WRN: variants seen among roughly 807,000 people sequenced by gnomAD.
The protein encoded by WRN is WRN RecQ like helicase.
WRN carries 149 observed loss-of-function variants against 180.7 expected under a neutral mutation model. The ratio of observed to expected loss-of-function variants is 0.82; its 90% CI spans 0.72 to 0.94. WRN has a LOEUF of 0.94. Ranked by LOEUF, WRN falls within the 40% of genes least tolerant of loss-of-function variation. The pLI is 0.00. For missense variants in WRN, 1,661 were observed against 1,700.1 expected, an observed-to-expected ratio of 0.98 and a Z score of 0.40; for synonymous variants, 548 against 568.9, an observed-to-expected ratio of 0.96 and a Z score of 0.52.
chr8:31,070,556 C>CT (rs1812873602), intron 7 of WRN, among the ~76,000 whole-genome samples: 1 of 151,912 alleles, frequency 6.6e-6, no homozygotes, highest in Non-Finnish European at 1.5e-5. Context: ...ACTCTGTTTC[C>CT]TGAGGGGCCT....
chr8:31,174,486 A>G lies in WRN; in HGVS notation c.*1384A>G, dbSNP rs1328552520. ...GTTATTAGATTTGGATGTTTGGCAG[A>G]CATTTTCTCAAAATTGAACTAAGTT... On this transcript the variant is annotated 3_prime_UTR_variant, in exon 35 of 35. Transcript: ENST00000298139. Among the ~76,000 whole-genome samples the G allele has an allele frequency of 2.6e-5, 4 of 152,224 alleles. No individual in the cohort carries two copies. Among genetic ancestry groups the G allele is most frequent in the African/African-American group, 9.6e-5 (4 of 41,460 alleles).
At chr8:31,050,318 C>T (rs920017678) in intron 1 of WRN, among the ~76,000 whole-genome samples, 1 of 152,106 alleles carries the variant, frequency 6.6e-6, no homozygotes, top group Non-Finnish European at 1.5e-5. Context: ...GATTCAGTTA[C>T]ACCTTTATGA....
chr8:31,170,099 A>AGGT (rs1432470819), intron 34 of WRN, among the ~76,000 whole-genome samples: 1 of 152,102 alleles, frequency 6.6e-6, no homozygotes, highest in African/African-American at 2.4e-5. Context: ...AGTACTGTGC[A>AGGT]GGTCTTAATT....
chr8:31,065,985 T>C (rs1314504111), intron 5 of WRN, among the ~76,000 whole-genome samples: 1 of 151,664 alleles, frequency 6.6e-6, no homozygotes, highest in African/African-American at 2.4e-5. Context: ...TTTAAGTGGT[T>C]CTCCTGCCTC....
chr8:31,108,727 G>A (rs1001979312), intron 18 of WRN, among the ~76,000 whole-genome samples: 2 of 152,146 alleles, frequency 1.3e-5, no homozygotes, highest in Admixed American at 6.5e-5. Flanking sequence ...GAGGCCATGA[G>A]TTGTCTTTGG....
intron 23 of WRN, among the ~76,000 whole-genome samples, chr8:31,125,488 A>G (rs1388949433): frequency 7.2e-6 from 1 of 139,764 alleles, no homozygotes; most frequent in Admixed American, 7.6e-5. Flanking sequence ...CATTTCACCA[A>G]TGTATCAGTC....
intron 24 of WRN, 151 bp downstream of exon 24, chr8:31,132,657 C>T: frequency 4.6e-6 from 5 of 1,088,028 alleles, no homozygotes; most frequent in Non-Finnish European, 6.6e-6. Context: ...TTAAACACTA[C>T]ATTCATTACT....
In WRN at chr8:31,049,268, C is replaced by T. The variant is rs938509496; in HGVS notation, c.-76-9104C>T. Among the ~76,000 whole-genome samples the T allele has an allele frequency of 4.8e-5, 7 of 146,856 alleles. No homozygotes were observed. The East Asian group carries it at 6.1e-4, about 13-fold the overall frequency. On this transcript the variant is annotated intron_variant, in intron 1 of 34. Transcript: ENST00000298139. The stretch of plus-strand genomic sequence containing the variant: ...AAAATAGGCCCAGCAAGGTAGCTCA[C>T]GCCTGTAATCTCAGCACATTGGGAG...
chr8:31,082,099 T>G (rs763494222), intron 9 of WRN, among the ~76,000 whole-genome samples: 2 of 152,208 alleles, frequency 1.3e-5, no homozygotes, highest in Non-Finnish European at 2.9e-5. Flanking sequence ...GAGTTTCTAA[T>G]AAACTCCTGA....
At chr8:31,034,633 G>A (rs1811374948) in intron 1 of WRN, among the ~76,000 whole-genome samples, 1 of 152,154 alleles carries the variant, frequency 6.6e-6, no homozygotes, top group Non-Finnish European at 1.5e-5. Context: ...AAAGGAAGAG[G>A]CTGGGGCACA....
At chr8:31,132,648 T>A in intron 24 of WRN, 142 bp downstream of exon 24, 1 of 1,149,600 alleles carries the variant, frequency 8.7e-7, no homozygotes, top group Non-Finnish European at 1.2e-6. Context: ...AAGTTCCAGT[T>A]AAACACTACA....
At chr8:31,042,859 C>T (rs551794907) in intron 1 of WRN, among the ~76,000 whole-genome samples, 2 of 152,218 alleles carry the variant, frequency 1.3e-5, no homozygotes, top group African/African-American at 4.8e-5. Flanking sequence ...GTGAAATTCG[C>T]AAGCAACCTA....
At chr8:31,132,530 C>T (rs370131199) in intron 24 of WRN, 24 bp downstream of exon 24, 1 of 1,613,562 alleles carries the variant, frequency 6.2e-7, no homozygotes, top group Non-Finnish European at 8.5e-7. Flanking sequence ...TGTGAATTCC[C>T]TTCATAGATC....
Position 31,047,209 on chromosome 8 carries a change from C to T in WRN, c.-76-11163C>T, listed in dbSNP as rs536786227. The stretch of plus-strand genomic sequence containing the variant: ...CCAGGCTATAGTGCAGTGGCAAGAT[C>T]GTGGCTCACTGCAACCTCGAATCCC... On this transcript the variant is annotated intron_variant, in intron 1 of 34. Coordinates refer to ENST00000298139, the MANE Select transcript of WRN (RefSeq NM_000553.6). Among the ~76,000 whole-genome samples the T allele has an allele frequency of 5.7e-4, 85 of 148,076 alleles. 2 individuals are homozygous for T. The South Asian group carries it at 8.7e-3, about 15-fold the overall frequency.
intron 15 of WRN, among the ~76,000 whole-genome samples, chr8:31,091,593 C>A (rs1368603721): frequency 6.6e-6 from 1 of 152,006 alleles, no homozygotes; most frequent in Admixed American, 6.6e-5. Context: ...TTCCTTTACC[C>A]CCTGTCATCC....
rs1812634282 is a variant in WRN, at chr8:31,064,910, TAC to T, written c.356-3_356-2del. 5 of 1,613,382 alleles carry T rather than the reference TAC, an allele frequency of 3.1e-6. No homozygotes were observed. The highest frequency in any genetic ancestry group is 4.2e-6 in the Non-Finnish European group (5 of 1,179,604). On this transcript the variant is annotated splice_region_variant and splice_polypyrimidine_tract_variant and intron_variant, in intron 4 of 34. Coordinates refer to ENST00000298139, the MANE Select transcript of WRN (RefSeq NM_000553.6). ...ACTTATGGAAATAACAAGAAAATGT[TAC>T]AGTTTTTCCCCAGGGATTAAAAATG...
intron 24 of WRN, among the ~76,000 whole-genome samples, chr8:31,134,897 T>G (rs1802339788): frequency 1.3e-5 from 2 of 152,156 alleles, no homozygotes; most frequent in Non-Finnish European, 2.9e-5. Context: ...TACTTCATCT[T>G]TTGGTTTTAT....
At chr8:31,071,045 GA>G (rs3056744) in intron 7 of WRN, among the ~76,000 whole-genome samples, 68,558 of 117,644 alleles carry the variant, frequency 0.58, 18,612 homozygotes, top group Middle Eastern at 0.67. Context: ...CTCTGTCTCA[GA>G]AAAAAAAAAA....
Position 31,096,966 on chromosome 8 carries a change from C to A in WRN, c.1981+116C>A, listed in dbSNP as rs1009968664. 111 of 959,208 alleles carry A rather than the reference C, an allele frequency of 1.2e-4. 1 individual carries two copies. The highest frequency in any genetic ancestry group is 3.2e-4 in the Admixed American group (17 of 52,578). 59.4% of individuals were successfully genotyped at this position (959,208 alleles called of 1,614,324 possible). ...AAGTTTATTTCAAACATTACTTCCT[C>A]CAGGAAATCTCTGACTCTCTAACTT... On this transcript the variant is annotated intron_variant, in intron 17 of 34. Coordinates refer to ENST00000298139, the MANE Select transcript of WRN (RefSeq NM_000553.6).
Sources: gnomAD v4.1 joint callset for allele counts (sites outside exome capture counted in the v4.1 genomes callset) on GRCh38, gnomAD v4.1.1 for gene constraint, MANE v1.5 for transcripts, NCBI Gene and HGNC (gene_info 2026-07-23, HGNC 2026-07-21) for gene names.